BICRAL: variants seen among roughly 807,000 people sequenced by gnomAD.
BICRAL encodes the protein BRD4-interacting chromatin-remodeling complex-associated protein-like.
BICRAL carries 8 observed loss-of-function variants against 91.8 expected under a neutral mutation model. The ratio of observed to expected loss-of-function variants is 0.09; its 90% CI spans 0.05 to 0.16. The LOEUF (loss-of-function observed/expected upper bound fraction) is 0.16, where lower values mean the gene tolerates loss of function less well. Ranked by LOEUF, BICRAL falls within the 10% of genes least tolerant of loss-of-function variation. The probability of loss-of-function intolerance (pLI) is 1.00; values close to 1 mark genes in which losing one functional copy is unlikely to be tolerated. For missense variants in BICRAL, 1,038 were observed against 1,310.9 expected (o/e 0.79, Z 3.21); for synonymous variants, 445 against 491.1 (o/e 0.91, Z 1.24).
intron 1 of BICRAL, among the ~76,000 whole-genome samples, chr6:42,749,309 G>T (rs1762338628): frequency 1.3e-5 from 2 of 152,070 alleles, no homozygotes; most frequent in South Asian, 4.1e-4. Flanking sequence ...AATATCACAT[G>T]TTCTCACTCG....
chr6:42,862,975 T>C (rs72864256), intron 12 of BICRAL, among the ~76,000 whole-genome samples: 5,558 of 152,268 alleles, frequency 0.037, 121 homozygotes, highest in Non-Finnish European at 0.056. Context: ...ATTAACACTT[T>C]TTCCACTCTT....
At chr6:42,807,230 C>T (rs1210565610) in intron 1 of BICRAL, among the ~76,000 whole-genome samples, 1 of 151,972 alleles carries the variant, frequency 6.6e-6, no homozygotes. Flanking sequence ...GTCACCGAGG[C>T]TGGGGTGCAG....
chr6:42,799,496 G>A (rs1433821418), intron 1 of BICRAL, among the ~76,000 whole-genome samples: 6 of 151,458 alleles, frequency 4.0e-5, no homozygotes, highest in Non-Finnish European at 8.8e-5. Flanking sequence ...GGGTTTCACC[G>A]TGTTAGCCAG....
chr6:42,856,170 A>G (rs1765344228), intron 9 of BICRAL, among the ~76,000 whole-genome samples: 1 of 151,504 alleles, frequency 6.6e-6, no homozygotes, highest in Non-Finnish European at 1.5e-5. Context: ...TACAAAAATT[A>G]GCCAGGCGTG....
At chr6:42,814,519 A>ATATATTT (rs1237976324) in intron 2 of BICRAL, among the ~76,000 whole-genome samples, 2 of 80,212 alleles carry the variant, frequency 2.5e-5, no homozygotes, top group African/African-American at 6.6e-5. Flanking sequence ...ATATATATAT[A>ATATATTT]TTTTTTTTTT....
At chr6:42,773,919 A>C (rs541699489) in intron 1 of BICRAL, among the ~76,000 whole-genome samples, 103 of 152,362 alleles carry the variant, frequency 6.8e-4, no homozygotes, top group African/African-American at 2.3e-3. Context: ...TAAGAAGAAT[A>C]AATGGTTCAG....
chr6:42,829,502 C>T lies in BICRAL; in HGVS notation c.1169C>T (p.Pro390Leu). Residue 390 changes from proline to leucine, a missense_variant, in exon 6 of 13, where the codon CCC (proline) becomes CTC (leucine). Around this residue, in one of 5 missense-constraint regions of BICRAL, gnomAD observed 532 missense variants for 724.9 expected, o/e 0.73. Transcript: ENST00000314073. ...GGGGGCAGTATTGTTATTCATTCCC[C>T]CATGGGCCAACCTCACGCACCCCAA... ...STGGSIVIHS[P>L]MGQPHAPQSQ... is the part of the protein sequence containing the mutation. 1 of 1,614,162 alleles carries T rather than the reference C, an allele frequency of 6.2e-7. No individual in the cohort carries two copies. Among genetic ancestry groups the T allele is most frequent in the South Asian group, 1.1e-5 (1 of 91,080 alleles).
chr6:42,815,714 G>A (rs1033743156), intron 2 of BICRAL, among the ~76,000 whole-genome samples: 2 of 151,942 alleles, frequency 1.3e-5, no homozygotes, highest in Non-Finnish European at 2.9e-5. Context: ...TTGGCCGGGC[G>A]TGGTGGCTCC....
chr6:42,845,250 G>T (rs1461607300), intron 6 of BICRAL, among the ~76,000 whole-genome samples: 2 of 53,250 alleles, frequency 3.8e-5, no homozygotes, highest in Admixed American at 3.6e-4. Flanking sequence ...TTTTTTTTTA[G>T]ACAGAGTTTC....
chr6:42,828,772 G>A lies in BICRAL; in HGVS notation c.439G>A (p.Ala147Thr). ...AQAQLHPSSS[A>T]SFTQASNVSN... ...AGCTCAGCTTCATCCTTCTTCATCA[G>A]CATCCTTTACTCAGGCTTCTAATGT... The change falls in exon 6 of 13, where the codon GCA becomes ACA. Residue 147 changes from alanine to threonine, a missense_variant. Transcript: ENST00000314073. The A allele has an allele frequency of 6.2e-7, 1 of 1,614,172 alleles. No homozygotes were observed. Among genetic ancestry groups the A allele is most frequent in the Non-Finnish European group, 8.5e-7 (1 of 1,180,020 alleles).
intron 1 of BICRAL, among the ~76,000 whole-genome samples, chr6:42,768,404 G>C (rs1762666377): frequency 6.6e-6 from 1 of 152,184 alleles, no homozygotes; most frequent in South Asian, 2.1e-4. Flanking sequence ...TAATACTAAA[G>C]CTTAATCTTT....
intron 1 of BICRAL, among the ~76,000 whole-genome samples, chr6:42,770,946 T>G (rs1219312155): frequency 6.6e-6 from 1 of 152,046 alleles, no homozygotes; most frequent in Non-Finnish European, 1.5e-5. Context: ...CCTTACAAAG[T>G]GCTGGGATTA....
chr6:42,811,028 A>G (rs193110858), intron 2 of BICRAL, among the ~76,000 whole-genome samples: 9 of 152,284 alleles, frequency 5.9e-5, no homozygotes, highest in Non-Finnish European at 1.3e-4. Flanking sequence ...CCTTCAAGAG[A>G]TTTGGTTCAA....
chr6:42,782,035 CCG>C (rs1762926473), upstream of BICRAL: 4 of 146,930 alleles, frequency 2.7e-5, no homozygotes, highest in South Asian at 1.8e-4. Flanking sequence ...CCCGCCGCCG[CCG>C]CCGCCGCCGC....
At chr6:42,747,038 C>G (rs1257196961) in intron 1 of BICRAL, 1 of 152,384 alleles carries the variant, frequency 6.6e-6, no homozygotes, top group Non-Finnish European at 1.5e-5. Flanking sequence ...GACCCTAGCC[C>G]CGGGCTCCGT....
chr6:42,858,415 C>T (rs1765450969), intron 10 of BICRAL, among the ~76,000 whole-genome samples: 1 of 149,792 alleles, frequency 6.7e-6, no homozygotes. Flanking sequence ...ACTTGGGAGG[C>T]TGAGGCAGGA....
At chr6:42,807,434 C>A (rs1763739222) in intron 1 of BICRAL, among the ~76,000 whole-genome samples, 1 of 152,010 alleles carries the variant, frequency 6.6e-6, no homozygotes, top group African/African-American at 2.4e-5. Context: ...CCGTCCGTCT[C>A]AGCCTCCCAA....
At chr6:42,846,293 G>A (rs576155497) in intron 6 of BICRAL, among the ~76,000 whole-genome samples, 78 of 151,894 alleles carry the variant, frequency 5.1e-4, no homozygotes, top group African/African-American at 1.5e-3. Flanking sequence ...GCTTGAACCC[G>A]GGAGGCGGAG....
intron 1 of BICRAL, among the ~76,000 whole-genome samples, chr6:42,787,222 C>G (rs1763126784): frequency 6.6e-6 from 1 of 152,130 alleles, no homozygotes; most frequent in Non-Finnish European, 1.5e-5. Flanking sequence ...CTTCAGGTTG[C>G]AGGCTCCAGC....
Sources: allele counts gnomAD v4.1 joint callset (sites outside exome capture counted in the v4.1 genomes callset), GRCh38; gene constraint gnomAD v4.1.1; regional missense constraint gnomAD v4.1.1; transcripts MANE v1.5; gene names NCBI Gene and HGNC (gene_info 2026-07-23, HGNC 2026-07-21).